IQCN: variants seen among roughly 807,000 people sequenced by gnomAD.
IQCN encodes the protein IQ motif containing N, also known as IQ domain-containing protein N.
In IQCN, 46 loss-of-function variants were observed where a neutral mutation model predicts 64.4. The observed-to-expected ratio is 0.71, with a 90% confidence interval of 0.56 to 0.91. The LOEUF is 0.91. IQCN is among the 40% of genes least tolerant of loss of function. The probability of loss-of-function intolerance (pLI) is 0.00; values close to 1 mark genes in which losing one functional copy is unlikely to be tolerated. For missense variants in IQCN, 1,753 were observed against 1,857.4 expected, an observed-to-expected ratio of 0.94 and a Z score of 1.03; for synonymous variants, 733 against 775.6, an observed-to-expected ratio of 0.95 and a Z score of 0.91.
At position 18,267,047 on chromosome 19, in the gene IQCN, A is replaced by G. The variant is rs1397105148; in HGVS notation, c.493T>C (p.Tyr165His). The G allele has an allele frequency of 1.2e-6, 2 of 1,614,094 alleles. No individual in the cohort carries two copies. Among genetic ancestry groups the G allele is most frequent in the Non-Finnish European group, 1.7e-6 (2 of 1,180,042 alleles). Residue 165 changes from tyrosine (Y) to histidine (H), a missense_variant, in exon 3 of 4, where the codon TAT (tyrosine) becomes CAT (histidine). Coordinates refer to ENST00000392413, the MANE Select transcript of IQCN (RefSeq NM_001145304.2). ...AAGCGCACCTGCTGTGGGGCGTGAT[A>G]AGGTATGTCCCCCTCCTCCGCCCTC... The part of the protein sequence containing the change: ...KTRAEEGDIP[Y>H]HAPQQVRFQH...
Position 18,266,492 on chromosome 19 carries a change from G to A in IQCN, c.1048C>T (p.Leu350=), listed in dbSNP as rs1370024802. The change falls in exon 3 of 4, where the codon CTG becomes TTG. Residue 350 remains leucine (L), a synonymous_variant. Coordinates refer to ENST00000392413, the MANE Select transcript of IQCN (RefSeq NM_001145304.2). The surrounding 1 kb of genome is among the most constrained non-coding windows in gnomAD (Gnocchi z 4.3). ...GTGGACGCTGGATATGTCTGTGGCA[G>A]GGTCACGGAGACCACTGGATATGTC... is the stretch of plus-strand genomic sequence containing the variant. ...LQTYPVVSVT[L]PQTYPASTMT... 2 of 1,597,604 alleles carry A rather than the reference G, an allele frequency of 1.3e-6. No individual in the cohort carries two copies. The highest frequency in any genetic ancestry group is 1.3e-5 in the African/African-American group (1 of 74,266).
Position 18,257,379 on chromosome 19 carries a change from T to A in IQCN, c.3905A>T (p.Lys1302Ile). The A allele has an allele frequency of 6.2e-7, 1 of 1,611,632 alleles. No homozygotes were observed. The highest frequency in any genetic ancestry group is 1.1e-5 in the South Asian group (1 of 91,014). Residue 1302 changes from lysine to isoleucine, a missense_variant, in exon 4 of 4, where the codon AAA (lysine) becomes ATA (isoleucine). By Grantham distance (102) the Lys-to-Ile change is moderately radical (BLOSUM62 -3). Transcript: ENST00000392413. ...GGCGGACTGGATGGCTGTGGCCGCTTTGTCCTGGCGATGCGGCTGCCTGGG... is the reference window on the plus strand; with the variant it reads ...GGCGGACTGGATGGCTGTGGCCGCTATGTCCTGGCGATGCGGCTGCCTGGG... ...LSPRQPHRQD[K>I]AATAIQSAWR...
intron 3 of IQCN, among the ~76,000 whole-genome samples, chr19:18,263,513 G>A (rs138650794): frequency 3.5e-4 from 54 of 152,312 alleles, no homozygotes; most frequent in Admixed American, 1.6e-3. Flanking sequence ...ATGCACTGCC[G>A]GGGGAAGCTT....
Position 18,266,436 on chromosome 19 carries a change from T to C in IQCN, c.1104A>G (p.Pro368=). 1 of 1,583,334 alleles carries C rather than the reference T, an allele frequency of 6.3e-7. No individual in the cohort carries two copies. The highest frequency in any genetic ancestry group is 8.6e-7 in the Non-Finnish European group (1 of 1,165,490). The change falls in exon 3 of 4, where the codon CCA becomes CCG. Residue 368 remains proline, a synonymous_variant. Transcript: ENST00000392413. The surrounding 1 kb of genome is among the most constrained non-coding windows in gnomAD (Gnocchi z 4.3). The part of the protein sequence containing the change: ...TMTTTPPKTS[P]VPKVTIIKTP... ...TCTTGATTATTGTTACTTTGGGAACTGGGCTAGTCTTGGGTGGGGTGGTGG... is the reference window on the plus strand; with the variant it reads ...TCTTGATTATTGTTACTTTGGGAACCGGGCTAGTCTTGGGTGGGGTGGTGG...
chr19:18,266,940 C>CG lies in IQCN; in HGVS notation c.599_600insC (p.Val201GlyfsTer77). Reference sequence around the variant, plus strand: ...GGGACGACTGGGGTCTGCAGAGGACCAGATTGTCACAGGAAGGGAACTGGG... The same window carrying CG: ...GGGACGACTGGGGTCTGCAGAGGACCGAGATTGTCACAGGAAGGGAACTGGG... On this transcript the variant is annotated frameshift_variant, in exon 3 of 4. Transcript: ENST00000392413. LOFTEE classifies it high-confidence loss of function. This position sits in a 1 kb window ranked among gnomAD's most constrained non-coding sequence, Gnocchi z 4.3. The CG allele has an allele frequency of 6.2e-7, 1 of 1,611,180 alleles. No individual in the cohort carries two copies. The highest frequency in any genetic ancestry group is 1.7e-4 in the Middle Eastern group (1 of 6,044).
chr19:18,259,324 G>C (rs531137793), intron 3 of IQCN: 1 of 121,146 alleles, frequency 8.3e-6, no homozygotes, highest in Admixed American at 9.1e-5. Context: ...AGCCACACTA[G>C]AGGCCCCCAT....
rs1329814917 is a variant in IQCN, at chr19:18,266,589, A to T, written c.951T>A (p.Pro317=). 15 of 1,613,364 alleles carry T rather than the reference A, an allele frequency of 9.3e-6. No homozygotes were observed. Among genetic ancestry groups the T allele is most frequent in the African/African-American group, 6.7e-5 (5 of 74,898 alleles). The change falls in exon 3 of 4, where the codon CCT becomes CCA. Residue 317 remains proline, a synonymous_variant. Coordinates refer to ENST00000392413, the MANE Select transcript of IQCN (RefSeq NM_001145304.2). The surrounding 1 kb of genome is among the most constrained non-coding windows in gnomAD (Gnocchi z 4.3). ...TRPSRAQTQG[P]VKAETPKAPF... is the part of the protein sequence containing the mutation. ...GGGCTTTGGGGGTCTCTGCTTTCAC[A>T]GGGCCCTGGGTTTGGGCTCTGGATG...
chr19:18,257,280 C>T lies in IQCN; in HGVS notation c.4004G>A (p.Arg1335Gln), dbSNP rs764438261. The T allele has an allele frequency of 1.5e-5, 24 of 1,613,554 alleles. No homozygotes were observed. Among genetic ancestry groups the T allele is most frequent in the Non-Finnish European group, 1.7e-5 (20 of 1,180,036 alleles). The part of the protein sequence containing the change: ...MAAKIVQATW[R>Q]GHHTRSCLKN... ...CAGACAGCTCCGGGTATGGTGGCCTCGCCAGGTGGCTTGAACTATCTTCGC... is the reference window on the plus strand; with the variant it reads ...CAGACAGCTCCGGGTATGGTGGCCTTGCCAGGTGGCTTGAACTATCTTCGC... Residue 1335 changes from arginine (R) to glutamine (Q), a missense_variant, in exon 4 of 4, where the codon CGA becomes CAA. Coordinates refer to ENST00000392413, the MANE Select transcript of IQCN (RefSeq NM_001145304.2).
chr19:18,263,211 A>G (rs1969468604), intron 3 of IQCN, among the ~76,000 whole-genome samples: 1 of 152,184 alleles, frequency 6.6e-6, no homozygotes, highest in Non-Finnish European at 1.5e-5. Context: ...TGACTCATCT[A>G]TCTTGTTGAC....
chr19:18,264,665 G>A lies in IQCN; in HGVS notation c.2875C>T (p.Leu959=). 1.3e-6 allele frequency: 2 copies of A among 1,551,280 alleles called. No individual in the cohort carries two copies. Among genetic ancestry groups the A allele is most frequent in the Non-Finnish European group, 1.7e-6 (2 of 1,146,966 alleles). ...TLSRALSRGE[L]RAELTKVMQG... ...ATGACCTTGGTGAGTTCCGCCCGCA[G>A]CTCGCCCCGGGACAGGGCTCGGGAC... The change falls in exon 3 of 4, where the codon CTG becomes TTG. Residue 959 remains leucine, a synonymous_variant. Transcript: ENST00000392413. This position sits in a 1 kb window ranked among gnomAD's most constrained non-coding sequence, Gnocchi z 4.3.
intron 1 of IQCN, 154 bp from the exon 2 acceptor site, chr19:18,269,741 CA>C (rs1343843442): frequency 6.1e-6 from 3 of 493,922 alleles, no homozygotes; most frequent in African/African-American, 6.0e-5. Flanking sequence ...AGAAATCAAA[CA>C]AAACAACTGG....
At position 18,257,443 on chromosome 19, in the gene IQCN, C is replaced by T; in HGVS notation, c.3841G>A (p.Val1281Met). 6.2e-7 allele frequency: 1 copy of T among 1,609,194 alleles called. No individual in the cohort carries two copies. The highest frequency in any genetic ancestry group is 1.7e-4 in the Middle Eastern group (1 of 6,046). The change falls in exon 4 of 4, where the codon GTG (valine) becomes ATG (methionine). Residue 1281 changes from valine (V) to methionine (M), a missense_variant. Val to Met is a conservative substitution (Grantham distance 21, BLOSUM62 1). Transcript: ENST00000392413. ...MGQGTEGPGA[V>M]SWASAYQLAA... ...AGCTGGTAGGCGGAGGCCCAAGACACTGCCCCGGGGCCCTCAGTGCCCTGG... is the reference window on the plus strand; with the variant it reads ...AGCTGGTAGGCGGAGGCCCAAGACATTGCCCCGGGGCCCTCAGTGCCCTGG...
At position 18,266,284 on chromosome 19, in the gene IQCN, C is replaced by A; in HGVS notation, c.1256G>T (p.Cys419Phe). The change falls in exon 3 of 4, where the codon TGC becomes TTC. Residue 419 changes from cysteine to phenylalanine, a missense_variant. Transcript: ENST00000392413. The surrounding 1 kb of genome is among the most constrained non-coding windows in gnomAD (Gnocchi z 4.3). Reference protein sequence around the residue: ...ASRTGTPRQTCPATITAKNRP... With the variant: ...ASRTGTPRQTFPATITAKNRP... The stretch of plus-strand genomic sequence containing the variant: ...GTTCTTTGCCGTGATGGTCGCAGGG[C>A]ATGTCTGCCGTGGGGTGCCAGTTCT... 1 of 1,613,252 alleles carries A rather than the reference C, an allele frequency of 6.2e-7. No individual in the cohort carries two copies.
chr19:18,257,765 G>A lies in IQCN; in HGVS notation c.3519C>T (p.Tyr1173=). 1 of 1,610,828 alleles carries A rather than the reference G, an allele frequency of 6.2e-7. No homozygotes were observed. Among genetic ancestry groups the A allele is most frequent in the Non-Finnish European group, 8.5e-7 (1 of 1,178,978 alleles). Residue 1173 remains tyrosine (Y), a synonymous_variant, in exon 4 of 4, where the codon TAC becomes TAT. Coordinates refer to ENST00000392413, the MANE Select transcript of IQCN (RefSeq NM_001145304.2). Reference sequence around the variant, plus strand: ...GCCGGGCTTGGTCCCGGCGGGTGCTGTAGCCGCGCCAGGCAGACTGGATGG... The same window carrying A: ...GCCGGGCTTGGTCCCGGCGGGTGCTATAGCCGCGCCAGGCAGACTGGATGG... ...TTTIQSAWRG[Y]STRRDQARHW... is the part of the protein sequence containing the mutation.
At chr19:18,270,251 C>T (rs1191379528) in intron 1 of IQCN, among the ~76,000 whole-genome samples, 3 of 151,080 alleles carry the variant, frequency 2.0e-5, no homozygotes, top group Non-Finnish European at 4.4e-5. Context: ...ATTCCAGCTA[C>T]TCAGGAGGCT....
chr19:18,265,657 A>AT lies in IQCN; in HGVS notation c.1882dup (p.Met628AsnfsTer12). ...TTTTGTCCAGGATGGAGCCCCAGCCATTTCCACTGCCACACTGGTCTTAAA... is the reference window on the plus strand; with the variant it reads ...TTTTGTCCAGGATGGAGCCCCAGCCATTTTCCACTGCCACACTGGTCTTAAA... On this transcript the variant is annotated frameshift_variant, in exon 3 of 4. Coordinates refer to ENST00000392413, the MANE Select transcript of IQCN (RefSeq NM_001145304.2). LOFTEE classifies it high-confidence loss of function. This position sits in a 1 kb window ranked among gnomAD's most constrained non-coding sequence, Gnocchi z 4.7. The AT allele has an allele frequency of 6.2e-7, 1 of 1,614,070 alleles. No homozygotes were observed. The highest frequency in any genetic ancestry group is 8.5e-7 in the Non-Finnish European group (1 of 1,179,990).
At chr19:18,258,425 A>C in intron 3 of IQCN, 1 of 594,340 alleles carries the variant, frequency 1.7e-6, no homozygotes, top group South Asian at 1.5e-5. Flanking sequence ...TGGCCACAGA[A>C]CTTTCTAGCA....
Position 18,264,499 on chromosome 19 carries a change from A to G in IQCN, c.3041T>C (p.Ile1014Thr), listed in dbSNP as rs746062389. ...WCRVALRTGT[I>T]LPKAASKSTG... ...TGATTTCGAGGCGGCCTTGGGGAGG[A>G]TGGTTCCAGTCCTCAGGGCCACCCG... The change falls in exon 3 of 4, where the codon ATC (isoleucine) becomes ACC (threonine). Residue 1014 changes from isoleucine (I) to threonine (T), a missense_variant. Coordinates refer to ENST00000392413, the MANE Select transcript of IQCN (RefSeq NM_001145304.2). The surrounding 1 kb of genome is among the most constrained non-coding windows in gnomAD (Gnocchi z 4.3). 2.6e-6 allele frequency: 4 copies of G among 1,551,162 alleles called. No homozygotes were observed. The South Asian group carries it at 4.8e-5, about 18-fold the overall frequency.
intron 1 of IQCN, 100 bp from the exon 2 acceptor site, chr19:18,269,687 ATGTGC>A: frequency 2.0e-6 from 1 of 507,326 alleles, no homozygotes; most frequent in Non-Finnish European, 3.5e-6. Flanking sequence ...AAAAAAAAAA[ATGTGC>A]AAAGATGAGG....
Sources: allele counts gnomAD v4.1 joint callset (sites outside exome capture counted in the v4.1 genomes callset), GRCh38; gene constraint gnomAD v4.1.1; non-coding constraint Gnocchi (gnomAD v3.1); transcripts MANE v1.5; gene names NCBI Gene and HGNC (gene_info 2026-07-23, HGNC 2026-07-21).